LYPLAL1: variants seen among roughly 807,000 people sequenced by gnomAD.
The protein encoded by LYPLAL1 is lysophospholipase like 1.
Under a neutral mutation model 19.7 loss-of-function variants are expected in LYPLAL1, and 23 were observed. The observed-to-expected ratio is 1.17, with a 90% confidence interval of 0.84 to 1.65. The LOEUF (loss-of-function observed/expected upper bound fraction) is 1.65, where lower values mean the gene tolerates loss of function less well. Ranked by LOEUF, LYPLAL1 falls within the 40% of genes most tolerant of loss-of-function variation. The pLI is 0.00. For missense variants in LYPLAL1, 355 were observed against 279.4 expected (o/e 1.27, Z -1.93); for synonymous variants, 119 against 96.3 (o/e 1.24, Z -1.38).
chr1:219,438,614 CACA>C, the LYPLAL1 span, among the ~76,000 whole-genome samples: 1 of 152,168 alleles, frequency 6.6e-6, no homozygotes, highest in South Asian at 2.1e-4. Context: ...GGGATTCCCA[CACA>C]ACAATTATAA....
the LYPLAL1 span, among the ~76,000 whole-genome samples, chr1:219,368,530 A>G: frequency 6.6e-6 from 1 of 152,162 alleles, no homozygotes; most frequent in Non-Finnish European, 1.5e-5. Flanking sequence ...CAGGGAAGAA[A>G]TGTAGATTCC....
chr1:219,329,936 A>G, the LYPLAL1 span, among the ~76,000 whole-genome samples: 1 of 151,602 alleles, frequency 6.6e-6, no homozygotes, highest in Non-Finnish European at 1.5e-5. Context: ...GTATCTTTTG[A>G]CCTTCTTTCT....
At chr1:219,238,899 A>G in the LYPLAL1 span, among the ~76,000 whole-genome samples, 2 of 152,192 alleles carry the variant, frequency 1.3e-5, no homozygotes, top group Non-Finnish European at 2.9e-5. Context: ...ATATGAATTC[A>G]CCTAAAACGT....
chr1:219,349,566 C>T, the LYPLAL1 span, among the ~76,000 whole-genome samples: 1 of 151,924 alleles, frequency 6.6e-6, no homozygotes, highest in Non-Finnish European at 1.5e-5. Context: ...TGATCATATG[C>T]CTGTGTGCAT....
the LYPLAL1 span, among the ~76,000 whole-genome samples, chr1:219,258,856 T>A: frequency 6.6e-6 from 1 of 152,052 alleles, no homozygotes; most frequent in Admixed American, 6.6e-5. Flanking sequence ...GGAGAAAATA[T>A]TCATAAACTA....
chr1:219,357,433 G>A, the LYPLAL1 span, among the ~76,000 whole-genome samples: 8 of 152,040 alleles, frequency 5.3e-5, no homozygotes, highest in Non-Finnish European at 2.9e-5. Flanking sequence ...ATGACAAATA[G>A]CATATGAACA....
At chr1:219,429,132 G>A in the LYPLAL1 span, among the ~76,000 whole-genome samples, 142 of 152,154 alleles carry the variant, frequency 9.3e-4, no homozygotes, top group Non-Finnish European at 1.6e-3. Context: ...CAAACTCTTT[G>A]GTAAGAGAAT....
the LYPLAL1 span, among the ~76,000 whole-genome samples, chr1:219,398,166 C>T: frequency 6.6e-6 from 1 of 152,158 alleles, no homozygotes. Flanking sequence ...CTTATTCTCT[C>T]CTTATCTCTT....
At chr1:219,324,447 A>C in the LYPLAL1 span, among the ~76,000 whole-genome samples, 1 of 152,200 alleles carries the variant, frequency 6.6e-6, no homozygotes, top group Non-Finnish European at 1.5e-5. Context: ...TATAAAGAAC[A>C]AAAGGTAGTG....
the LYPLAL1 span, among the ~76,000 whole-genome samples, chr1:219,309,103 G>A: frequency 1.1e-4 from 17 of 152,292 alleles, no homozygotes; most frequent in African/African-American, 3.6e-4. Context: ...AGTCAAGGGC[G>A]ATCATTTTGG....
At chr1:219,259,794 T>C in the LYPLAL1 span, among the ~76,000 whole-genome samples, 1 of 151,260 alleles carries the variant, frequency 6.6e-6, no homozygotes, top group Non-Finnish European at 1.5e-5. Context: ...TAAAAAAATA[T>C]ATAAATAAAT....
At chr1:219,202,964 C>A (rs1196838359) in intron 3 of LYPLAL1, among the ~76,000 whole-genome samples, 2 of 151,992 alleles carry the variant, frequency 1.3e-5, no homozygotes, top group Non-Finnish European at 2.9e-5. Context: ...GGTATTATAC[C>A]TGTGAACCAC....
At chr1:219,340,654 C>A in the LYPLAL1 span, among the ~76,000 whole-genome samples, 2 of 151,996 alleles carry the variant, frequency 1.3e-5, no homozygotes, top group Admixed American at 6.6e-5. Context: ...TAAACAGATT[C>A]TTCCCTGCTT....
chr1:219,234,746 T>C, the LYPLAL1 span, among the ~76,000 whole-genome samples: 3 of 152,302 alleles, frequency 2.0e-5, no homozygotes, highest in East Asian at 5.8e-4. Flanking sequence ...AGGTCATTTA[T>C]ATAACATAAC....
the LYPLAL1 span, among the ~76,000 whole-genome samples, chr1:219,438,365 G>GT: frequency 2.5e-4 from 38 of 152,154 alleles, no homozygotes; most frequent in Non-Finnish European, 4.4e-4. Flanking sequence ...TTAAGGTAGG[G>GT]TTTTGGGGAA....
chr1:219,276,941 A>C, the LYPLAL1 span, among the ~76,000 whole-genome samples: 1 of 152,330 alleles, frequency 6.6e-6, no homozygotes, highest in East Asian at 1.9e-4. Flanking sequence ...CATCAAGACT[A>C]AGTTGCACCA....
At chr1:219,293,300 T>C in the LYPLAL1 span, among the ~76,000 whole-genome samples, 9 of 152,274 alleles carry the variant, frequency 5.9e-5, no homozygotes, top group South Asian at 1.9e-3. Flanking sequence ...ATAGTAGAAA[T>C]GGGAAGGAAT....
rs1403347367 is a variant in LYPLAL1, at chr1:219,212,446, C to A, written c.*718C>A. On this transcript the variant is annotated 3_prime_UTR_variant, in exon 5 of 5. Coordinates refer to ENST00000366928, the MANE Select transcript of LYPLAL1 (RefSeq NM_138794.5). ...CAAAAGCCAATACATAATAAACACT[C>A]AATAAAGATTAACCATAAGGAGAGT... 1 of 151,862 alleles carries A rather than the reference C, an allele frequency of 6.6e-6. No homozygotes were observed. Among genetic ancestry groups the A allele is most frequent in the Non-Finnish European group, 1.5e-5 (1 of 67,896 alleles). The allele number at this position is 151,862 out of a possible 1,614,324, so 9.4% of individuals were successfully genotyped here.
intron 3 of LYPLAL1, among the ~76,000 whole-genome samples, chr1:219,209,839 G>A (rs1658859134): frequency 1.3e-5 from 2 of 151,952 alleles, no homozygotes. Context: ...TGAACAGGAG[G>A]GTCTGTGTAT....
Sources: gnomAD v4.1 joint callset for allele counts (sites outside exome capture counted in the v4.1 genomes callset) on GRCh38, gnomAD v4.1.1 for gene constraint, MANE v1.5 for transcripts, NCBI Gene and HGNC (gene_info 2026-07-23, HGNC 2026-07-21) for gene names.